Variants in DLX5 observed in about 807,000 individuals in gnomAD.
The protein encoded by DLX5 is distal-less homeobox 5.
DLX5 carries 8 observed loss-of-function variants against 27.1 expected under a neutral mutation model. The observed-to-expected ratio is 0.30, with a 90% CI of 0.17 to 0.53. The LOEUF (loss-of-function observed/expected upper bound fraction) is 0.53, where lower values mean the gene tolerates loss of function less well. Ranked by LOEUF, DLX5 falls within the 20% of genes least tolerant of loss-of-function variation. The probability of loss-of-function intolerance (pLI) is 0.95; values close to 1 mark genes in which losing one functional copy is unlikely to be tolerated. For synonymous variants in DLX5, 178 were observed against 161.9 expected (o/e 1.10, Z -0.75); for missense variants, 339 against 375.1 (o/e 0.90, Z 0.80).
At chr7:97,022,678 GT>G in intron 1 of DLX5, 1 of 810,754 alleles carries the variant, frequency 1.2e-6, no homozygotes, top group Non-Finnish European at 1.5e-6. Flanking sequence ...TCCCGGACTT[GT>G]TTTTACGCCC....
Position 97,022,177 on chromosome 7 carries a change from G to T in DLX5, c.540+8C>A. On this transcript the variant is annotated splice_region_variant and intron_variant, in intron 2 of 2. Transcript: ENST00000648378. ...GGCAGGTCTAGTGCATGGCAGCGCC[G>T]TATTTACCTGTGTTTGTGTCAATCC... is the stretch of plus-strand genomic sequence containing the variant. 1 of 1,614,000 alleles carries T rather than the reference G, an allele frequency of 6.2e-7. No individual in the cohort carries two copies. Among genetic ancestry groups the T allele is most frequent in the Non-Finnish European group, 8.5e-7 (1 of 1,180,040 alleles).
intron 1 of DLX5, among the ~76,000 whole-genome samples, chr7:97,022,911 G>C (rs1351924594): frequency 6.6e-6 from 1 of 151,958 alleles, no homozygotes; most frequent in Non-Finnish European, 1.5e-5. Context: ...GCAAGCGGTC[G>C]GGGCCGCCGC....
In DLX5 at chr7:97,020,821, C is replaced by T; in HGVS notation, c.785G>A (p.Ser262Asn). ...YLENSASWYT[S>N]AASSINSHLP... ...GTGGGAATTGATTGAGCTGGCTGCACTTGTGTACCAGGATGCAGAGTTCTC... is the reference window on the plus strand; with the variant it reads ...GTGGGAATTGATTGAGCTGGCTGCATTTGTGTACCAGGATGCAGAGTTCTC... The change falls in exon 3 of 3, where the codon AGT becomes AAT. Residue 262 changes from serine to asparagine, a missense_variant. Around this residue, in one of 3 missense-constraint regions of DLX5, gnomAD observed 136 missense variants for 130.3 expected, o/e 1.04. Coordinates refer to ENST00000648378, the MANE Select transcript of DLX5 (RefSeq NM_005221.6). The T allele has an allele frequency of 6.2e-7, 1 of 1,613,848 alleles. No homozygotes were observed. The highest frequency in any genetic ancestry group is 8.5e-7 in the Non-Finnish European group (1 of 1,179,808).
chr7:97,023,750 C>T (rs35953724), intron 1 of DLX5, among the ~76,000 whole-genome samples: 1 of 152,068 alleles, frequency 6.6e-6, no homozygotes, highest in East Asian at 1.9e-4. Flanking sequence ...CTCTGGCTGG[C>T]TACAACTCCT....
At chr7:97,022,459 A>G in intron 1 of DLX5, 90 bp from the exon 2 acceptor site, 1 of 1,572,526 alleles carries the variant, frequency 6.4e-7, no homozygotes. Flanking sequence ...AGAGTTTCTT[A>G]CCACTCAGTC....
chr7:97,022,382 AAC>A lies in DLX5; in HGVS notation c.356-15_356-14del. On this transcript the variant is annotated splice_polypyrimidine_tract_variant and intron_variant, in intron 1 of 2. Coordinates refer to ENST00000648378, the MANE Select transcript of DLX5 (RefSeq NM_005221.6). Reference sequence around the variant, plus strand: ...GTCACTTCTTTCTCTAAATAATCAAAACAGACTCAGTTAAAGCTTGTCACCAG... The same window carrying A: ...GTCACTTCTTTCTCTAAATAATCAAAAGACTCAGTTAAAGCTTGTCACCAG... 3 of 1,613,154 alleles carry A rather than the reference AAC, an allele frequency of 1.9e-6. No homozygotes were observed. Among genetic ancestry groups the A allele is most frequent in the Non-Finnish European group, 2.5e-6 (3 of 1,180,008 alleles).
Position 97,022,079 on chromosome 7 carries a change from C to T in DLX5, c.540+106G>A, listed in dbSNP as rs193302639. The T allele has an allele frequency of 3.9e-4, 536 of 1,379,734 alleles. 3 individuals are homozygous for T. In the East Asian group the frequency reaches 9.8e-3, roughly 25 times the overall value. 85.5% of individuals were successfully genotyped at this position (1,379,734 alleles called of 1,614,324 possible). A position where few individuals can be genotyped will look rare whatever the true frequency, so the allele number is the denominator to read the frequency against. The stretch of plus-strand genomic sequence containing the variant: ...CTGATGTCTTTGGGTCTGTTAGTTT[C>T]TCACGGGTACTGTCAAAACAGCTCC... On this transcript the variant is annotated intron_variant, in intron 2 of 2. Transcript: ENST00000648378.
In DLX5 at chr7:97,022,343, T is replaced by G. The variant is rs1289933172; in HGVS notation, c.382A>C (p.Arg128=). The G allele has an allele frequency of 1.2e-6, 2 of 1,614,060 alleles. No individual in the cohort carries two copies. Among genetic ancestry groups the G allele is most frequent in the African/African-American group, 2.7e-5 (2 of 74,944 alleles). Residue 128 remains arginine (R), a synonymous_variant, in exon 2 of 3, where the codon AGA becomes CGA. Coordinates refer to ENST00000648378, the MANE Select transcript of DLX5 (RefSeq NM_005221.6). The stretch of plus-strand genomic sequence containing the variant: ...TTCTTTGGTTTGCCATTCACCATTC[T>G]CACCTCGGGCTCGGTCACTTCTTTC... ...PEKEVTEPEV[R]MVNGKPKKVR...
At chr7:97,022,770 T>C (rs2115913144) in intron 1 of DLX5, among the ~76,000 whole-genome samples, 1 of 152,234 alleles carries the variant, frequency 6.6e-6, no homozygotes, top group East Asian at 1.9e-4. Flanking sequence ...GAGGTGGCCC[T>C]GGGCCGTGAC....
At chr7:97,021,305 G>C (rs1219637565) in intron 2 of DLX5, among the ~76,000 whole-genome samples, 1 of 152,194 alleles carries the variant, frequency 6.6e-6, no homozygotes, top group African/African-American at 2.4e-5. Flanking sequence ...CGACCCCAAG[G>C]CTTGTCTTTT....
rs1368536656 is a variant in DLX5, at chr7:97,021,592, C to T, written c.541-527G>A. Among the ~76,000 whole-genome samples, 3 of 152,318 alleles carry T rather than the reference C, an allele frequency of 2.0e-5. No individual in the cohort carries two copies. In the East Asian group the frequency reaches 5.8e-4, roughly 30 times the overall value. On this transcript the variant is annotated intron_variant, in intron 2 of 2. Coordinates refer to ENST00000648378, the MANE Select transcript of DLX5 (RefSeq NM_005221.6). ...CTGCAGCTCTTGGCGGCGACTCGAACATTCTTTATGCTTCCGTAGGCCCCA... is the reference window on the plus strand; with the variant it reads ...CTGCAGCTCTTGGCGGCGACTCGAATATTCTTTATGCTTCCGTAGGCCCCA...
rs754104569 is a variant in DLX5, at chr7:97,024,472, G to A, written c.152C>T (p.Thr51Met). 6.2e-7 allele frequency: 1 copy of A among 1,614,116 alleles called. No homozygotes were observed. Among genetic ancestry groups the A allele is most frequent in the South Asian group, 1.1e-5 (1 of 91,090 alleles). The change falls in exon 1 of 3, where the codon ACG (threonine) becomes ATG (methionine). Residue 51 changes from threonine to methionine, a missense_variant. Around this residue, in one of 3 missense-constraint regions of DLX5, gnomAD observed 188 missense variants for 206.1 expected, o/e 0.91. Coordinates refer to ENST00000648378, the MANE Select transcript of DLX5 (RefSeq NM_005221.6). The surrounding 1 kb of genome is among the most constrained non-coding windows in gnomAD (Gnocchi z 4.6). ...SATDSDYYSP[T>M]GGAPHGYCSP... ...GCAGTAGCCGTGCGGGGCTCCCCCCGTAGGGCTGTAGTAGTCAGAATCGGT... is the reference window on the plus strand; with the variant it reads ...GCAGTAGCCGTGCGGGGCTCCCCCCATAGGGCTGTAGTAGTCAGAATCGGT...
intron 2 of DLX5, chr7:97,021,938 G>A (rs1790073703): frequency 1.6e-6 from 1 of 608,154 alleles, no homozygotes; most frequent in Non-Finnish European, 2.9e-6. Flanking sequence ...CACAGCTCCG[G>A]AGGCCCGCTA....
intron 1 of DLX5, 114 bp from the exon 2 acceptor site, chr7:97,022,483 C>T (rs1318499766): frequency 2.6e-6 from 4 of 1,526,624 alleles, no homozygotes; most frequent in East Asian, 4.6e-5. Flanking sequence ...ATTCTTTGCC[C>T]ATATCACCAC....
In DLX5 at chr7:97,024,385, A is replaced by G. The variant is rs149635296; in HGVS notation, c.239T>C (p.Val80Ala). Residue 80 changes from valine to alanine, a missense_variant, in exon 1 of 3, where the codon GTG becomes GCG. Val to Ala is a moderately conservative substitution (Grantham distance 64, BLOSUM62 0). Around this residue, in one of 3 missense-constraint regions of DLX5, gnomAD observed 188 missense variants for 206.1 expected, o/e 0.91. Transcript: ENST00000648378. The surrounding 1 kb of genome is among the most constrained non-coding windows in gnomAD (Gnocchi z 4.6). ...TGGGTAGCTCCCGGCGGAGCCGTTC[A>G]CGCCGTGATACTGATACTGGTAGGG... ...LNPYQYQYHG[V>A]NGSAGSYPAK... is the part of the protein sequence containing the mutation. 1.4e-4 allele frequency: 222 copies of G among 1,614,230 alleles called. 1 individual carries two copies. In the African/African-American group the frequency reaches 2.7e-3, roughly 19 times the overall value.
At position 97,023,337 on chromosome 7, in the gene DLX5, G is replaced by GGTGTGTGTGT. The variant is rs10525881; in HGVS notation, c.355+922_355+931dup. ...TGGAACTGACGGAGAACCTCTCCAG[G>GGTGTGTGTGT]GTGTGTGTGTGTGTGTGTGTGTGTG... is the stretch of plus-strand genomic sequence containing the variant. On this transcript the variant is annotated intron_variant, in intron 1 of 2. Transcript: ENST00000648378. Among the ~76,000 whole-genome samples, 185 of 145,508 alleles carry GGTGTGTGTGT rather than the reference G, an allele frequency of 1.3e-3. 1 individual carries two copies. The highest frequency in any genetic ancestry group is 4.2e-3 in the African/African-American group (163 of 39,126).
chr7:97,024,676 C>T lies in DLX5; in HGVS notation c.-53G>A. 1 of 1,496,700 alleles carries T rather than the reference C, an allele frequency of 6.7e-7. No individual in the cohort carries two copies. Among genetic ancestry groups the T allele is most frequent in the Non-Finnish European group, 9.1e-7 (1 of 1,099,944 alleles). The allele number at this position is 1,496,700 out of a possible 1,614,324, so 92.7% of individuals were successfully genotyped here. A position where few individuals can be genotyped will look rare whatever the true frequency, so the allele number is the denominator to read the frequency against. ...CTTGCTGTTGTGGCGGCGGCAGCTG[C>T]CCTAGTTGGCTGTGGGGCTGCTCTG... is the stretch of plus-strand genomic sequence containing the variant. On this transcript the variant is annotated 5_prime_UTR_variant, in exon 1 of 3. Coordinates refer to ENST00000648378, the MANE Select transcript of DLX5 (RefSeq NM_005221.6). The surrounding 1 kb of genome is among the most constrained non-coding windows in gnomAD (Gnocchi z 4.6).
intron 1 of DLX5, 76 bp from the exon 2 acceptor site, chr7:97,022,445 T>C (rs1262203487): frequency 1.3e-6 from 2 of 1,584,014 alleles, no homozygotes; most frequent in Non-Finnish European, 1.7e-6. Flanking sequence ...TCAAATAGAG[T>C]CCTAGAGTTT....
At chr7:97,023,338 GT>G (rs1584167465) in intron 1 of DLX5, among the ~76,000 whole-genome samples, 7 of 11,964 alleles carry the variant, frequency 5.9e-4, no homozygotes, top group Non-Finnish European at 1.1e-3. Context: ...CCTCTCCAGG[GT>G]GTGTGTGTGT....
Sources: allele counts gnomAD v4.1 joint callset (sites outside exome capture counted in the v4.1 genomes callset), GRCh38; gene constraint gnomAD v4.1.1; regional missense constraint gnomAD v4.1.1; non-coding constraint Gnocchi (gnomAD v3.1); transcripts MANE v1.5; gene names NCBI Gene and HGNC (gene_info 2026-07-23, HGNC 2026-07-21).